The following EPHA10 variants were observed in gnomAD, a reference collection of about 807,000 sequenced individuals.
EPHA10 encodes the protein ephrin type-A receptor 10.
In EPHA10, 120 loss-of-function variants were observed where a neutral mutation model predicts 109.7. That is an observed-to-expected ratio of 1.09 (90% CI 0.94 to 1.27). The LOEUF (loss-of-function observed/expected upper bound fraction) is 1.27. EPHA10 is among the 50% of genes most tolerant of loss of function. The probability of loss-of-function intolerance (pLI) is 0.00; values close to 1 mark genes in which losing one functional copy is unlikely to be tolerated. For missense variants in EPHA10, 1,396 were observed against 1,411.1 expected (o/e 0.99, Z 0.17); for synonymous variants, 640 against 618.9 (o/e 1.03, Z -0.51).
In EPHA10 at chr1:37,752,963, G is replaced by C; in HGVS notation, c.1270C>G (p.Arg424Gly). Residue 424 changes from arginine (R) to glycine (G), a missense_variant, in exon 5 of 17, where the codon CGC becomes GGC. Arg to Gly is a moderately radical substitution (Grantham distance 125). Coordinates refer to ENST00000373048, the MANE Select transcript of EPHA10 (RefSeq NM_001099439.2). ...HLRPGARYTV[R>G]VAALNGVSGP... is the part of the protein sequence containing the mutation. ...GAGACGCCGTTGAGCGCGGCCACGCGCACGGTGTAGCGCGCGCCGGGCCGC... is the reference window on the plus strand; with the variant it reads ...GAGACGCCGTTGAGCGCGGCCACGCCCACGGTGTAGCGCGCGCCGGGCCGC... 1 of 1,287,628 alleles carries C rather than the reference G, an allele frequency of 7.8e-7. No homozygotes were observed. The highest frequency in any genetic ancestry group is 9.8e-7 in the Non-Finnish European group (1 of 1,020,444). The allele number at this position is 1,287,628 out of a possible 1,614,324, so 79.8% of individuals were successfully genotyped here. A position where few individuals can be genotyped will look rare whatever the true frequency, so the allele number is the denominator to read the frequency against.
intron 6 of EPHA10, among the ~76,000 whole-genome samples, chr1:37,732,347 A>AC (rs2148331374): frequency 6.6e-6 from 1 of 151,458 alleles, no homozygotes; most frequent in Admixed American, 6.6e-5. Flanking sequence ...CCCCCGCTCC[A>AC]CCCCAACACA....
intron 7 of EPHA10, among the ~76,000 whole-genome samples, chr1:37,730,768 T>C (rs1330416520): frequency 6.6e-6 from 1 of 152,100 alleles, no homozygotes; most frequent in African/African-American, 2.4e-5. Flanking sequence ...CTTGGCTCAC[T>C]GCAACCTCTG....
chr1:37,736,476 CAAAAAAAAAAAAA>C (rs543417433), intron 5 of EPHA10, among the ~76,000 whole-genome samples: 6 of 57,840 alleles, frequency 1.0e-4, no homozygotes, highest in Non-Finnish European at 1.5e-4. Context: ...AATTCTGTCT[CAAAAAAAAAAAAA>C]AAAAAAAAAA....
At position 37,764,705 on chromosome 1, in the gene EPHA10, CCTCTGG is replaced by C. The variant is rs1032533288; in HGVS notation, c.106+250_106+255del. Among the ~76,000 whole-genome samples the C allele has an allele frequency of 1.3e-5, 2 of 152,136 alleles. No individual in the cohort carries two copies. Among genetic ancestry groups the C allele is most frequent in the Admixed American group, 1.3e-4 (2 of 15,274 alleles). ...CGTCTCACCGGCCGCTGGACCGCCG[CCTCTGG>C]CTCCCGCGGTTCCTGGCCTCTTTCT... On this transcript the variant is annotated intron_variant, in intron 1 of 16. Transcript: ENST00000373048. The surrounding 1 kb of genome is among the most constrained non-coding windows in gnomAD (Gnocchi z 5.8).
chr1:37,715,140 CTG>C (rs1176179716), downstream of EPHA10: 1 of 152,306 alleles, frequency 6.6e-6, no homozygotes, highest in Non-Finnish European at 1.5e-5. Flanking sequence ...AGTGATTCTC[CTG>C]TGTCATCCTC....
rs368135032 is a variant in EPHA10, at chr1:37,721,650, C to T, written c.2146+10G>A. The T allele has an allele frequency of 1.3e-5, 20 of 1,595,952 alleles. No homozygotes were observed. Among genetic ancestry groups the T allele is most frequent in the South Asian group, 1.2e-4 (11 of 89,440 alleles). ...GGGCTGGGCAGCAGGAAGGGAGCAC[C>T]GGGCCCTACCTCGGGTAACAACGCC... On this transcript the variant is annotated intron_variant, in intron 11 of 16. Transcript: ENST00000373048.
chr1:37,749,080 G>A (rs1329051592), intron 5 of EPHA10, among the ~76,000 whole-genome samples: 2 of 151,570 alleles, frequency 1.3e-5, no homozygotes, highest in African/African-American at 2.4e-5. Flanking sequence ...GCACCACCAC[G>A]CCTGGCTAAT....
At chr1:37,745,465 G>T (rs977125738) in intron 5 of EPHA10, among the ~76,000 whole-genome samples, 1 of 152,160 alleles carries the variant, frequency 6.6e-6, no homozygotes, top group Non-Finnish European at 1.5e-5. Context: ...CTTTGAAAAA[G>T]TTGGTAATTC....
rs761455894 is a variant in EPHA10, at chr1:37,716,457, G to T, written c.*1915C>A. The stretch of plus-strand genomic sequence containing the variant: ...GATCCTGGAGGGCACCTGGCCGGGG[G>T]CTCCCCCAACCCTGACTAAGGTGGT... On this transcript the variant is annotated 3_prime_UTR_variant, in exon 17 of 17. Coordinates refer to ENST00000373048, the MANE Select transcript of EPHA10 (RefSeq NM_001099439.2). 2.6e-5 allele frequency: 6 copies of T among 233,812 alleles called. No individual in the cohort carries two copies. The highest frequency in any genetic ancestry group is 5.1e-5 in the Non-Finnish European group (6 of 118,714). The allele number at this position is 233,812 out of a possible 1,614,324, so 14.5% of individuals were successfully genotyped here.
In EPHA10 at chr1:37,752,935, C is replaced by A; in HGVS notation, c.1298G>T (p.Gly433Val). Residue 433 changes from glycine (G) to valine (V), a missense_variant, in exon 5 of 17, where the codon GGC becomes GTC. Transcript: ENST00000373048. ...GGTGGTTCCCGCGGCGGCCGCCGGG[C>A]CCGAGACGCCGTTGAGCGCGGCCAC... ...VRVAALNGVS[G>V]PAAAAGTTYA... The A allele has an allele frequency of 7.6e-7, 1 of 1,307,662 alleles. No homozygotes were observed. The allele number at this position is 1,307,662 out of a possible 1,614,324, so 81.0% of individuals were successfully genotyped here.
intron 7 of EPHA10, among the ~76,000 whole-genome samples, chr1:37,731,185 T>A (rs1645975800): frequency 6.6e-6 from 1 of 152,164 alleles, no homozygotes; most frequent in South Asian, 2.1e-4. Context: ...TCCTGTGAGC[T>A]CCTCCAGGAC....
In EPHA10 at chr1:37,723,029, C is replaced by T. The variant is rs188528832; in HGVS notation, c.1960+12G>A. ...CCAGATGGGGACAAGGCTTCCTGGG[C>T]GCCCAGCTTGCCTCCTCCAAGGCTC... is the stretch of plus-strand genomic sequence containing the variant. On this transcript the variant is annotated intron_variant, in intron 10 of 16. Coordinates refer to ENST00000373048, the MANE Select transcript of EPHA10 (RefSeq NM_001099439.2). 317 of 1,613,988 alleles carry T rather than the reference C, an allele frequency of 2.0e-4. 1 individual carries two copies. In the African/African-American group the frequency reaches 2.4e-3, roughly 12 times the overall value.
rs922040890 is a variant in EPHA10, at chr1:37,716,153, G to A, written c.*2219C>T. ...TTCCATATAAAAATAGATCTGTAGA[G>A]GGTTCCCAGAGAGCCATCGCCCCAC... On this transcript the variant is annotated 3_prime_UTR_variant, in exon 17 of 17. Coordinates refer to ENST00000373048, the MANE Select transcript of EPHA10 (RefSeq NM_001099439.2). 2 of 421,700 alleles carry A rather than the reference G, an allele frequency of 4.7e-6. No individual in the cohort carries two copies. Among genetic ancestry groups the A allele is most frequent in the Admixed American group, 3.7e-5 (1 of 26,740 alleles). The allele number at this position is 421,700 out of a possible 1,614,324, so 26.1% of individuals were successfully genotyped here. A position where few individuals can be genotyped will look rare whatever the true frequency, so the allele number is the denominator to read the frequency against.
chr1:37,718,857 C>T, intron 15 of EPHA10, 41 bp from the exon 16 acceptor site: 1 of 1,568,424 alleles, frequency 6.4e-7, no homozygotes, highest in Non-Finnish European at 8.7e-7. Flanking sequence ...CAGCTGGGAT[C>T]TGGGCCCACA....
rs1646233096 is a variant in EPHA10 at position 37,745,896 on chromosome 1, C to A, written c.1357+6980G>T. ...AAGGTGGCTTTCCTAACAAAAGCCACCTTTGGCTTTCATAACAAAAATTTA... is the reference window on the plus strand; with the variant it reads ...AAGGTGGCTTTCCTAACAAAAGCCAACTTTGGCTTTCATAACAAAAATTTA... On this transcript the variant is annotated intron_variant, in intron 5 of 16. Coordinates refer to ENST00000373048, the MANE Select transcript of EPHA10 (RefSeq NM_001099439.2). Among the ~76,000 whole-genome samples the A allele has an allele frequency of 2.0e-5, 3 of 151,858 alleles. No homozygotes were observed. The South Asian group carries it at 6.2e-4, about 32-fold the overall frequency.
intron 5 of EPHA10, among the ~76,000 whole-genome samples, chr1:37,744,627 G>A (rs569381): frequency 1.3e-5 from 2 of 151,498 alleles, no homozygotes; most frequent in African/African-American, 2.4e-5. Flanking sequence ...ACCACTGTAC[G>A]CCACCCTGGG....
rs1646048473 is a variant in EPHA10, at chr1:37,735,185, G to A, written c.1491+72C>T. 2.6e-6 allele frequency: 4 copies of A among 1,535,172 alleles called. No homozygotes were observed. The South Asian group carries it at 3.6e-5, about 14-fold the overall frequency. On this transcript the variant is annotated intron_variant, in intron 6 of 16. Transcript: ENST00000373048. The stretch of plus-strand genomic sequence containing the variant: ...TAACGAGGGCTTTTGCTGGGAGGAT[G>A]GCCTGAAGAACCAGAAGCCCTGCGG...
rs988044216 is a variant in EPHA10, at chr1:37,716,050, G to A, written c.*2322C>T. 1.1e-5 allele frequency: 6 copies of A among 549,954 alleles called. No homozygotes were observed. The highest frequency in any genetic ancestry group is 2.1e-5 in the Admixed American group (1 of 47,174). The allele number at this position is 549,954 out of a possible 1,614,324, so 34.1% of individuals were successfully genotyped here. A position where few individuals can be genotyped will look rare whatever the true frequency, so the allele number is the denominator to read the frequency against. On this transcript the variant is annotated 3_prime_UTR_variant, in exon 17 of 17. Coordinates refer to ENST00000373048, the MANE Select transcript of EPHA10 (RefSeq NM_001099439.2). The stretch of plus-strand genomic sequence containing the variant: ...AACATCTCCAGAAGGAACCCCCTCC[G>A]ACTGGCCCCCTCCCTCCCAGGGTGA...
Position 37,761,102 on chromosome 1 carries a change from A to C in EPHA10, c.850+303T>G, listed in dbSNP as rs1436435759. The stretch of plus-strand genomic sequence containing the variant: ...GACTCCTTATTTTAAAAAAAAAAAA[A>C]AACAATGACTTCCTTTATTGCCATG... On this transcript the variant is annotated intron_variant, in intron 3 of 16. Transcript: ENST00000373048. 15 of 1,184,980 alleles carry C rather than the reference A, an allele frequency of 1.3e-5. No individual in the cohort carries two copies. In the Admixed American group the frequency reaches 2.7e-4, roughly 22 times the overall value. The allele number at this position is 1,184,980 out of a possible 1,614,324, so 73.4% of individuals were successfully genotyped here. A position where few individuals can be genotyped will look rare whatever the true frequency, so the allele number is the denominator to read the frequency against.
Sources: allele counts gnomAD v4.1 joint callset (sites outside exome capture counted in the v4.1 genomes callset), GRCh38; gene constraint gnomAD v4.1.1; non-coding constraint Gnocchi (gnomAD v3.1); transcripts MANE v1.5; gene names NCBI Gene and HGNC (gene_info 2026-07-23, HGNC 2026-07-21).